The following SRGAP3 variants were observed in gnomAD, a reference collection of about 807,000 sequenced individuals.
The protein encoded by SRGAP3 is SLIT-ROBO Rho GTPase-activating protein 3.
Under a neutral mutation model 121.1 loss-of-function variants are expected in SRGAP3, and 39 were observed. That is an observed-to-expected ratio of 0.32 (90% CI 0.25 to 0.42). SRGAP3 has a LOEUF of 0.42. SRGAP3 is among the 10% of genes least tolerant of loss of function. SRGAP3 has a pLI of 1.00. For missense variants in SRGAP3, 1,213 were observed against 1,470.6 expected (o/e 0.82, Z 2.86); for synonymous variants, 601 against 570.0 (o/e 1.05, Z -0.77).
At chr3:9,305,858 C>T (rs543080865) in intron 3 of SRGAP3, among the ~76,000 whole-genome samples, 37 of 152,198 alleles carry the variant, frequency 2.4e-4, no homozygotes, top group East Asian at 1.4e-3. Context: ...TGAATAGTGC[C>T]GCAATAAACA....
At chr3:9,092,987 G>A (rs1430696645) in intron 3 of SRGAP3, among the ~76,000 whole-genome samples, 2 of 152,068 alleles carry the variant, frequency 1.3e-5, no homozygotes, top group African/African-American at 2.4e-5. Context: ...CTCTCTAAGA[G>A]TCACTCACAG....
At chr3:9,104,152 A>C (rs551682567) in intron 3 of SRGAP3, among the ~76,000 whole-genome samples, 1 of 152,354 alleles carries the variant, frequency 6.6e-6, no homozygotes, top group South Asian at 2.1e-4. Flanking sequence ...ATGTGGGAAA[A>C]TGTAATAGAG....
chr3:8,998,555 CT>C (rs113023787), intron 18 of SRGAP3, among the ~76,000 whole-genome samples: 95,419 of 151,418 alleles, frequency 0.63, 31,729 homozygotes, highest in African/African-American at 0.86. Flanking sequence ...TATATATATA[CT>C]ATATATATGT....
intron 21 of SRGAP3, among the ~76,000 whole-genome samples, chr3:8,988,350 C>T (rs1941845639): frequency 6.6e-6 from 1 of 152,198 alleles, no homozygotes; most frequent in East Asian, 1.9e-4. Context: ...TCAGCTGCCA[C>T]TCCCCTTTGC....
chr3:9,052,613 A>C (rs2670000), intron 9 of SRGAP3, among the ~76,000 whole-genome samples: 68,740 of 152,138 alleles, frequency 0.45, 16,221 homozygotes, highest in East Asian at 0.67. Context: ...ACTCAAGAGC[A>C]ATTTGCTTGG....
At chr3:9,066,924 T>C (rs753409168) in intron 4 of SRGAP3, among the ~76,000 whole-genome samples, 10 of 152,204 alleles carry the variant, frequency 6.6e-5, no homozygotes, top group Non-Finnish European at 1.3e-4. Flanking sequence ...TGGACAAGTG[T>C]CTGGGCTGAA....
At chr3:9,156,478 T>TATTACC in intron 1 of SRGAP3, among the ~76,000 whole-genome samples, 1 of 152,300 alleles carries the variant, frequency 6.6e-6, no homozygotes, top group South Asian at 2.1e-4. Context: ...CTGGGTGGCT[T>TATTACC]AGCCAGGTAC....
At chr3:9,013,678 C>T in intron 16 of SRGAP3, 59 bp downstream of exon 16, 1 of 1,586,500 alleles carries the variant, frequency 6.3e-7, no homozygotes, top group African/African-American at 1.3e-5. Flanking sequence ...CCTCAAGATA[C>T]CCCCTCCCAA....
chr3:9,248,205 T>C (rs1953894338), intron 1 of SRGAP3, among the ~76,000 whole-genome samples: 1 of 152,198 alleles, frequency 6.6e-6, no homozygotes, highest in African/African-American at 2.4e-5. Flanking sequence ...CTGATGAACC[T>C]AAACGCCAGG....
intron 3 of SRGAP3, among the ~76,000 whole-genome samples, chr3:9,293,625 TAACAAATTTACAAGAAAA>T (rs1351568833): frequency 1.3e-5 from 2 of 151,954 alleles, no homozygotes; most frequent in East Asian, 3.9e-4. Context: ...ATAAGGAACG[TAACAAATTTACAAGAAAA>T]AACAAACAAC....
rs150022572 is a variant in SRGAP3 at position 9,324,785 on chromosome 3, G to A, written n.442+1225C>T. ...ATCCTGGCTAACACGGTGAAACTCC[G>A]TGTCTACTAAAAATACAAAAAATTA... On this transcript the variant is annotated intron_variant and non_coding_transcript_variant, in intron 3 of 3. Transcript: ENST00000490889. 1.6e-3 allele frequency among the ~76,000 whole-genome samples: 236 copies of A among 151,800 alleles called. 3 individuals are homozygous for A. Among genetic ancestry groups the A allele is most frequent in the African/African-American group, 5.2e-3 (217 of 41,526 alleles).
intron 1 of SRGAP3, among the ~76,000 whole-genome samples, chr3:9,201,252 C>T (rs1210629087): frequency 2.0e-5 from 3 of 152,180 alleles, no homozygotes; most frequent in Admixed American, 6.5e-5. Context: ...AGGCTGGCAC[C>T]CCCAGCCCCC....
intron 17 of SRGAP3, among the ~76,000 whole-genome samples, chr3:9,011,840 T>A (rs557655318): frequency 6.6e-6 from 1 of 152,206 alleles, no homozygotes; most frequent in Non-Finnish European, 1.5e-5. Context: ...AAAATTACCA[T>A]GTAATTAATA....
At chr3:9,335,570 G>C (rs1048826821) in intron 1 of SRGAP3, among the ~76,000 whole-genome samples, 22 of 152,042 alleles carry the variant, frequency 1.4e-4, no homozygotes, top group South Asian at 2.1e-4. Flanking sequence ...CTTAGTCCTG[G>C]TCCTTTTGGA....
At chr3:9,037,888 G>A in intron 11 of SRGAP3, 175 bp downstream of exon 11, 1 of 829,202 alleles carries the variant, frequency 1.2e-6, no homozygotes, top group African/African-American at 1.7e-5. Flanking sequence ...TCAGTCTAAT[G>A]CTAGAACAAG....
chr3:9,089,760 C>A (rs1947666320), intron 3 of SRGAP3, among the ~76,000 whole-genome samples: 1 of 152,206 alleles, frequency 6.6e-6, no homozygotes, highest in East Asian at 1.9e-4. Context: ...TTTGCCTGGC[C>A]ACACAAGATC....
chr3:9,023,599 T>C (rs1039864755), intron 14 of SRGAP3, among the ~76,000 whole-genome samples: 1 of 152,184 alleles, frequency 6.6e-6, no homozygotes, highest in Non-Finnish European at 1.5e-5. Flanking sequence ...GCCTACTCTA[T>C]CATTGCACTG....
Position 9,348,934 on chromosome 3 carries a change from T to C in SRGAP3, n.214+13906A>G, listed in dbSNP as rs1472739451. 1.0e-5 allele frequency: 10 copies of C among 978,850 alleles called. No individual in the cohort carries two copies. In the African/African-American group the frequency reaches 1.3e-4, roughly 12 times the overall value. 60.6% of individuals were successfully genotyped at this position (978,850 alleles called of 1,614,324 possible). ...ACACTATTGCCAAGGCTCTGCCCTT[T>C]TGGAATGAAGAAATAGTTCCCCAGA... On this transcript the variant is annotated intron_variant and non_coding_transcript_variant, in intron 1 of 3. Transcript: ENST00000490889.
At chr3:9,139,802 G>A (rs1949786453) in intron 1 of SRGAP3, among the ~76,000 whole-genome samples, 1 of 152,118 alleles carries the variant, frequency 6.6e-6, no homozygotes, top group African/African-American at 2.4e-5. Flanking sequence ...AAAGGGGAAT[G>A]GTATTGAATA....
Sources: allele counts gnomAD v4.1 joint callset (sites outside exome capture counted in the v4.1 genomes callset), GRCh38; gene constraint gnomAD v4.1.1; transcripts MANE v1.5; gene names NCBI Gene and HGNC (gene_info 2026-07-23, HGNC 2026-07-21).